The following SLF1 variants were observed in gnomAD, a reference collection of about 807,000 sequenced individuals.
The protein encoded by SLF1 is SMC5/6 complex localization factor 1, also known as SMC5-SMC6 complex localization factor protein 1.
SLF1 carries 105 observed loss-of-function variants against 123.0 expected under a neutral mutation model. That is an observed-to-expected ratio of 0.85 (90% confidence interval 0.73 to 1.00). The LOEUF is 1.00. Ranked by LOEUF, SLF1 falls within the 50% of genes least tolerant of loss-of-function variation. The pLI is 0.00. For synonymous variants in SLF1, 434 were observed against 406.6 expected (o/e 1.07, Z -0.81); for missense variants, 1,239 against 1,223.0 (o/e 1.01, Z -0.20).
At chr5:94,623,726 T>C (rs751085712) in intron 1 of SLF1, among the ~76,000 whole-genome samples, 3 of 152,152 alleles carry the variant, frequency 2.0e-5, no homozygotes, top group Non-Finnish European at 2.9e-5. Context: ...GGATTTTTAA[T>C]TGTCTGGGTT....
At chr5:94,647,290 C>A (rs1747174745) in intron 5 of SLF1, among the ~76,000 whole-genome samples, 1 of 152,186 alleles carries the variant, frequency 6.6e-6, no homozygotes, top group African/African-American at 2.4e-5. Flanking sequence ...AACCAAGTAG[C>A]ACTCAAAGGA....
At chr5:94,638,500 C>G (rs1428161980) in intron 4 of SLF1, among the ~76,000 whole-genome samples, 1 of 152,124 alleles carries the variant, frequency 6.6e-6, no homozygotes, top group African/African-American at 2.4e-5. Flanking sequence ...TTCTATCTGA[C>G]CCCAGGTTGT....
chr5:94,651,991 CCTG>C (rs2152479342), intron 7 of SLF1, 146 bp downstream of exon 7: 1 of 340,554 alleles, frequency 2.9e-6, no homozygotes, highest in South Asian at 1.2e-4. Context: ...GTTTTTAAGA[CCTG>C]CTGTATTATT....
chr5:94,636,986 C>T (rs937580371), intron 4 of SLF1, among the ~76,000 whole-genome samples: 1 of 152,184 alleles, frequency 6.6e-6, no homozygotes, highest in African/African-American at 2.4e-5. Flanking sequence ...TCCCAAAGTG[C>T]TGAGATTACA....
At chr5:94,642,680 C>A (rs1042115317) in intron 4 of SLF1, among the ~76,000 whole-genome samples, 1 of 152,172 alleles carries the variant, frequency 6.6e-6, no homozygotes, top group Non-Finnish European at 1.5e-5. Flanking sequence ...AGCAGAACTT[C>A]ATGAAACTTT....
At chr5:94,633,288 C>T (rs1044725894) in intron 4 of SLF1, among the ~76,000 whole-genome samples, 1 of 152,148 alleles carries the variant, frequency 6.6e-6, no homozygotes, top group African/African-American at 2.4e-5. Flanking sequence ...CGACCGGCCA[C>T]TTGATTCATT....
Position 94,695,137 on chromosome 5 carries a change from G to A in SLF1, c.3002G>A (p.Ser1001Asn). The change falls in exon 21 of 21, where the codon AGT becomes AAT. Residue 1001 changes from serine to asparagine, a missense_variant. Coordinates refer to ENST00000265140, the MANE Select transcript of SLF1 (RefSeq NM_032290.4). ...MACKSHKETT[S>N]VHTDWLLDLY... is the part of the protein sequence containing the mutation. ...TGTAAAAGTCATAAAGAAACCACCAGTGTTCATACTGACTGGTTACTGGAT... is the reference window on the plus strand; with the variant it reads ...TGTAAAAGTCATAAAGAAACCACCAATGTTCATACTGACTGGTTACTGGAT... 1.9e-6 allele frequency: 3 copies of A among 1,612,658 alleles called. No homozygotes were observed. Among genetic ancestry groups the A allele is most frequent in the East Asian group, 2.2e-5 (1 of 44,822 alleles).
Position 94,678,628 on chromosome 5 carries a change from G to A in SLF1, c.1828-180G>A, listed in dbSNP as rs1585213591. 3 of 501,844 alleles carry A rather than the reference G, an allele frequency of 6.0e-6. No individual in the cohort carries two copies. The East Asian group carries it at 9.8e-5, about 16-fold the overall frequency. 31.1% of individuals were successfully genotyped at this position (501,844 alleles called of 1,614,324 possible). A position where few individuals can be genotyped will look rare whatever the true frequency, so the allele number is the denominator to read the frequency against. On this transcript the variant is annotated intron_variant, in intron 14 of 20. Coordinates refer to ENST00000265140, the MANE Select transcript of SLF1 (RefSeq NM_032290.4). ...TGTTAACTCTTTTGTCATGTGGAGA[G>A]AGAGAGAGATGGAGGGGAGAGAATT...
intron 4 of SLF1, among the ~76,000 whole-genome samples, chr5:94,634,954 A>G (rs1745588125): frequency 6.6e-6 from 1 of 152,126 alleles, no homozygotes; most frequent in South Asian, 2.1e-4. Flanking sequence ...TTTTACACAT[A>G]TGGCTTGAAA....
intron 14 of SLF1, among the ~76,000 whole-genome samples, chr5:94,672,425 T>C (rs993553654): frequency 6.6e-6 from 1 of 151,886 alleles, no homozygotes; most frequent in Non-Finnish European, 1.5e-5. Context: ...GTTTTTCACC[T>C]TGTATCTCCC....
Position 94,639,037 on chromosome 5 carries a change from C to CTTTTTTTTTTTTTTTTTTTTT in SLF1, c.432-4235_432-4215dup, listed in dbSNP as rs764031689. Among the ~76,000 whole-genome samples, 3 of 88,958 alleles carry CTTTTTTTTTTTTTTTTTTTTT rather than the reference C, an allele frequency of 3.4e-5. 1 individual carries two copies. The highest frequency in any genetic ancestry group is 9.9e-5 in the African/African-American group (2 of 20,268). The allele number at this position is 88,958 out of a possible 152,430, so 58.4% of individuals were successfully genotyped here. Reference sequence around the variant, plus strand: ...TTTCTCATCTCTTTTCTTTTCTTCCCTTTTTTTTTTTTTTTTTTTTTGAGA... The same window carrying CTTTTTTTTTTTTTTTTTTTTT: ...TTTCTCATCTCTTTTCTTTTCTTCCCTTTTTTTTTTTTTTTTTTTTTTTTTTTTTTTTTTTTTTTTTTGAGA... On this transcript the variant is annotated intron_variant, in intron 4 of 20. Transcript: ENST00000265140.
At position 94,691,595 on chromosome 5, in the gene SLF1, T is replaced by C. The variant is rs1385606924; in HGVS notation, c.2451T>C (p.Asn817=). Residue 817 remains asparagine, a synonymous_variant, in exon 19 of 21, where the codon AAT becomes AAC. Transcript: ENST00000265140. ...CAGCCCTGCATAGAGCTTGCATAAA[T>C]AACCAAGTGGAGAAATTGATTCTTC... The part of the protein sequence containing the change: ...GETALHRACI[N]NQVEKLILLL... 4 of 1,611,356 alleles carry C rather than the reference T, an allele frequency of 2.5e-6. No individual in the cohort carries two copies. Among genetic ancestry groups the C allele is most frequent in the African/African-American group, 2.7e-5 (2 of 74,752 alleles).
In SLF1 at chr5:94,657,132, G is replaced by A. The variant is rs1225620704; in HGVS notation, c.1155+2380G>A. Reference sequence around the variant, plus strand: ...CTCTTCTTCTTCCTTGAGGTGCATTGTTAAGTTGATTATTTGAGATCTTTC... The same window carrying A: ...CTCTTCTTCTTCCTTGAGGTGCATTATTAAGTTGATTATTTGAGATCTTTC... On this transcript the variant is annotated intron_variant, in intron 9 of 20. Coordinates refer to ENST00000265140, the MANE Select transcript of SLF1 (RefSeq NM_032290.4). Among the ~76,000 whole-genome samples the A allele has an allele frequency of 2.0e-5, 3 of 151,224 alleles. No homozygotes were observed. In the East Asian group the frequency reaches 5.8e-4, roughly 29 times the overall value.
chr5:94,650,060 A>G (rs1026943740), intron 6 of SLF1, among the ~76,000 whole-genome samples: 1 of 152,302 alleles, frequency 6.6e-6, no homozygotes, highest in Admixed American at 6.5e-5. Flanking sequence ...TGGAGCAATA[A>G]AAAGTACCTC....
chr5:94,622,862 G>A (rs1279877952), intron 1 of SLF1, among the ~76,000 whole-genome samples: 2 of 152,084 alleles, frequency 1.3e-5, no homozygotes, highest in South Asian at 2.1e-4. Context: ...ATAATGTAGA[G>A]TAGGGAAAAG....
intron 4 of SLF1, among the ~76,000 whole-genome samples, chr5:94,636,927 C>A (rs1377327745): frequency 6.6e-6 from 1 of 151,858 alleles, no homozygotes; most frequent in Non-Finnish European, 1.5e-5. Flanking sequence ...GCCATGTTGG[C>A]CAGGTTGGTT....
Position 94,691,562 on chromosome 5 carries a change from A to T in SLF1, c.2420-2A>T. The T allele has an allele frequency of 6.2e-7, 1 of 1,603,858 alleles. No homozygotes were observed. The highest frequency in any genetic ancestry group is 8.5e-7 in the Non-Finnish European group (1 of 1,176,684). ...GAATAATCTATTAATTTTTTATGGC[A>T]GGAGAAACAGCCCTGCATAGAGCTT... On this transcript the variant is annotated splice_acceptor_variant, in intron 18 of 20. Transcript: ENST00000265140. LOFTEE classifies it high-confidence loss of function.
rs1393435633 is a variant in SLF1, at chr5:94,662,356, G to GAC, written c.1209+5_1209+6insAC. On this transcript the variant is annotated splice_donor_region_variant and intron_variant, in intron 10 of 20. Coordinates refer to ENST00000265140, the MANE Select transcript of SLF1 (RefSeq NM_032290.4). ...CAACCAGTGTACAACGTAGAGGTAA[G>GAC]GGGCTTGGAGCAGCATTGGTGATGG... 3 of 1,543,844 alleles carry GAC rather than the reference G, an allele frequency of 1.9e-6. No homozygotes were observed. Among genetic ancestry groups the GAC allele is most frequent in the Non-Finnish European group, 2.6e-6 (3 of 1,142,972 alleles).
chr5:94,635,337 CTTTTTTTTTTTT>C (rs34524874), intron 4 of SLF1, among the ~76,000 whole-genome samples: 15 of 43,882 alleles, frequency 3.4e-4, no homozygotes, highest in African/African-American at 1.3e-3. Context: ...ACATACTCGG[CTTTTTTTTTTTT>C]TTTTTTTTTT....
Sources: allele counts gnomAD v4.1 joint callset (sites outside exome capture counted in the v4.1 genomes callset), GRCh38; gene constraint gnomAD v4.1.1; transcripts MANE v1.5; gene names NCBI Gene and HGNC (gene_info 2026-07-23, HGNC 2026-07-21).